The following TTLL3 variants were observed in gnomAD, a reference collection of about 807,000 sequenced individuals.
TTLL3 encodes the protein tubulin monoglycylase TTLL3.
In TTLL3, 63 loss-of-function variants were observed where a neutral mutation model predicts 75.2. The observed-to-expected ratio is 0.84, with a 90% confidence interval of 0.68 to 1.03. TTLL3 has a LOEUF of 1.03. Among genes scored for constraint, TTLL3 ranks in the 50% least tolerant of loss-of-function variants. TTLL3 has a pLI of 0.00. For missense variants in TTLL3, 997 were observed against 1,069.9 expected, an observed-to-expected ratio of 0.93 and a Z score of 0.95; for synonymous variants, 393 against 418.5, an observed-to-expected ratio of 0.94 and a Z score of 0.74.
At chr3:9,826,635 A>G (rs2081067532) in intron 9 of TTLL3, among the ~76,000 whole-genome samples, 1 of 147,420 alleles carries the variant, frequency 6.8e-6, no homozygotes, top group Non-Finnish European at 1.5e-5. Flanking sequence ...CGGGAGGCTG[A>G]GGCAGGAGAA....
chr3:9,820,344 G>C, intron 7 of TTLL3: 1 of 1,430,520 alleles, frequency 7.0e-7, no homozygotes, highest in Non-Finnish European at 9.1e-7. Context: ...CTGGGACAGT[G>C]GGAGCCAAGG....
At position 9,812,287 on chromosome 3, in the gene TTLL3, G is replaced by A. The variant is rs534934094; in HGVS notation, c.49-656G>A. Among the ~76,000 whole-genome samples, 13 of 152,250 alleles carry A rather than the reference G, an allele frequency of 8.5e-5. No individual in the cohort carries two copies. The South Asian group carries it at 1.0e-3, about 12-fold the overall frequency. ...TTTCAGCACTTTGGGAGGCCAAGGC[G>A]GGCCTTGGCCTGAGGCCAGGAGTTC... On this transcript the variant is annotated intron_variant, in intron 2 of 13. Coordinates refer to ENST00000685419, the MANE Select transcript of TTLL3 (RefSeq NM_001387446.1).
In TTLL3 at chr3:9,829,040, A is replaced by T; in HGVS notation, c.1328A>T (p.Asn443Ile). ...CGGCATCCACTGCTTCCGCCAGACA[A>T]CATGTGGTCTAGCCAGAGGTTCCAG... ...CHRHPLLPPD[N>I]MWSSQRFQAH... is the part of the protein sequence containing the mutation. Residue 443 changes from asparagine (N) to isoleucine (I), a missense_variant, in exon 11 of 14, where the codon AAC becomes ATC. Transcript: ENST00000685419. The T allele has an allele frequency of 1.2e-6, 2 of 1,614,220 alleles. No homozygotes were observed. The highest frequency in any genetic ancestry group is 2.2e-5 in the South Asian group (2 of 91,078).
intron 7 of TTLL3, chr3:9,820,304 C>T (rs2080289600): frequency 1.5e-6 from 2 of 1,358,658 alleles, no homozygotes; most frequent in Non-Finnish European, 1.9e-6. Context: ...GCCTTGGGGA[C>T]ATTTAGGGCA....
chr3:9,816,238 G>T, intron 5 of TTLL3, 36 bp downstream of exon 5: 1 of 1,329,156 alleles, frequency 7.5e-7, no homozygotes. Flanking sequence ...GGCAGCTTCC[G>T]ACCCCCTGCC....
At position 9,833,154 on chromosome 3, in the gene TTLL3, C is replaced by T; in HGVS notation, c.1734C>T (p.Gly578=). 1 of 1,614,178 alleles carries T rather than the reference C, an allele frequency of 6.2e-7. No homozygotes were observed. The highest frequency in any genetic ancestry group is 2.2e-5 in the East Asian group (1 of 44,876). ...TGGGCATCCGGCTCCTGGTAGAGGGCTTCACCATCAAGAAGCCCATGGCGA... is the reference window on the plus strand; with the variant it reads ...TGGGCATCCGGCTCCTGGTAGAGGGTTTCACCATCAAGAAGCCCATGGCGA... ...QYVGIRLLVE[G]FTIKKPMAMC... The change falls in exon 12 of 14, where the codon GGC becomes GGT. Residue 578 remains glycine (G), a synonymous_variant. Coordinates refer to ENST00000685419, the MANE Select transcript of TTLL3 (RefSeq NM_001387446.1).
At position 9,813,317 on chromosome 3, in the gene TTLL3, A is replaced by T; in HGVS notation, c.287A>T (p.Asp96Val). ...LFDFDDLLKFDDLDGTHALMS... is the reference protein window; with the variant it reads ...LFDFDDLLKFVDLDGTHALMS... ...GACTTCGATGATTTACTGAAATTTG[A>T]TGACCTAGATGGAACACATGCTCTG... Residue 96 changes from aspartate to valine, a missense_variant, in exon 4 of 14, where the codon GAT becomes GTT. By Grantham distance (152) the Asp-to-Val change is radical (BLOSUM62 -3). Transcript: ENST00000685419. The T allele has an allele frequency of 6.2e-7, 1 of 1,614,220 alleles. No homozygotes were observed. The highest frequency in any genetic ancestry group is 8.5e-7 in the Non-Finnish European group (1 of 1,180,034).
At chr3:9,817,838 A>G (rs891518067) in intron 6 of TTLL3, 79 bp downstream of exon 6, 46 of 1,579,562 alleles carry the variant, frequency 2.9e-5, no homozygotes, top group Non-Finnish European at 3.7e-5. Context: ...TTGGAGAGAA[A>G]CAGGCCTCTC....
intron 8 of TTLL3, among the ~76,000 whole-genome samples, chr3:9,822,062 C>CCT (rs2080475940): frequency 1.3e-5 from 1 of 75,358 alleles, no homozygotes; most frequent in South Asian, 5.4e-4. Context: ...GCACGAGTCC[C>CCT]TTTTTTTTTT....
chr3:9,819,636 C>T (rs2080228546), intron 7 of TTLL3: 1 of 985,558 alleles, frequency 1.0e-6, no homozygotes. Flanking sequence ...CATGCCAACC[C>T]AACCACTGCC....
At chr3:9,818,568 C>G in intron 6 of TTLL3, 1 of 972,942 alleles carries the variant, frequency 1.0e-6, no homozygotes, top group Non-Finnish European at 1.3e-6. Context: ...CGGGGTTTCA[C>G]TGTGTTAGCC....
At chr3:9,817,522 C>A in intron 5 of TTLL3, 123 bp from the exon 6 acceptor site, 1 of 1,570,608 alleles carries the variant, frequency 6.4e-7, no homozygotes, top group Non-Finnish European at 8.6e-7. Context: ...ATGTGAGCAA[C>A]TCAGACCTTG....
chr3:9,810,191 G>A (rs1246046440), upstream of TTLL3: 1 of 1,475,784 alleles, frequency 6.8e-7, no homozygotes, highest in Admixed American at 2.5e-5. The surrounding 1 kb of genome is among the most constrained non-coding windows in gnomAD (Gnocchi z 4.4). Flanking sequence ...CCACCCAGGA[G>A]GCTGCCATGG....
Position 9,833,112 on chromosome 3 carries a change from G to A in TTLL3, c.1692G>A (p.Val564=), listed in dbSNP as rs544533226. 1.2e-6 allele frequency: 2 copies of A among 1,614,164 alleles called. No individual in the cohort carries two copies. The highest frequency in any genetic ancestry group is 2.2e-5 in the East Asian group (1 of 44,878). Residue 564 remains valine, a synonymous_variant, in exon 12 of 14, where the codon GTG becomes GTA. Coordinates refer to ENST00000685419, the MANE Select transcript of TTLL3 (RefSeq NM_001387446.1). ...CCTCTTCTTGCCCACAGCCTGCTGT[G>A]GAGGTGCCTCAATATGTGGGCATCC... ...AFELIYKQPA[V]EVPQYVGIRL...
rs1208158519 is a variant in TTLL3 at position 9,810,265 on chromosome 3, C to T, written c.-171C>T. 6 of 1,507,362 alleles carry T rather than the reference C, an allele frequency of 4.0e-6. No individual in the cohort carries two copies. In the East Asian group the frequency reaches 8.0e-5, roughly 20 times the overall value. The allele number at this position is 1,507,362 out of a possible 1,614,324, so 93.4% of individuals were successfully genotyped here. A position where few individuals can be genotyped will look rare whatever the true frequency, so the allele number is the denominator to read the frequency against. On this transcript the variant is annotated 5_prime_UTR_variant, in exon 1 of 14. Transcript: ENST00000685419. This position sits in a 1 kb window ranked among gnomAD's most constrained non-coding sequence, Gnocchi z 4.4. The stretch of plus-strand genomic sequence containing the variant: ...AGGCGGCAGATGCCAGGCGGGCAGC[C>T]CCGCCCCTGCGCGCCGCCTCAGCGG...
intron 4 of TTLL3, 133 bp downstream of exon 4, chr3:9,813,478 C>T (rs2079533468): frequency 9.4e-7 from 1 of 1,065,728 alleles, no homozygotes; most frequent in Non-Finnish European, 1.4e-6. Flanking sequence ...GTAAAAACTG[C>T]TTCTTTAAAG....
At chr3:9,831,724 T>C (rs962715352) in intron 11 of TTLL3, among the ~76,000 whole-genome samples, 75 of 152,168 alleles carry the variant, frequency 4.9e-4, no homozygotes, top group Admixed American at 2.6e-4. Flanking sequence ...TAGCTGAGAT[T>C]CTTCTGTAAA....
intron 8 of TTLL3, among the ~76,000 whole-genome samples, chr3:9,822,470 A>G (rs374493245): frequency 7.9e-5 from 12 of 152,090 alleles, no homozygotes; most frequent in East Asian, 3.9e-4. Context: ...TAACAGACAT[A>G]CACAGTGTTG....
upstream of TTLL3, chr3:9,810,126 G>A (rs997564897): frequency 6.1e-6 from 9 of 1,469,094 alleles, no homozygotes; most frequent in Non-Finnish European, 4.5e-6. This position sits in a 1 kb window ranked among gnomAD's most constrained non-coding sequence, Gnocchi z 4.4. Flanking sequence ...TGCGGAAGCC[G>A]CAGCCGCTCG....
Sources: gnomAD v4.1 joint callset for allele counts (sites outside exome capture counted in the v4.1 genomes callset) on GRCh38, gnomAD v4.1.1 for gene constraint, Gnocchi (gnomAD v3.1) non-coding constraint, MANE v1.5 for transcripts, NCBI Gene and HGNC (gene_info 2026-07-23, HGNC 2026-07-21) for gene names.